Variants in OXR1 observed in about 807,000 individuals in gnomAD.
OXR1 encodes the protein oxidation resistance 1, also known as oxidation resistance protein 1.
A neutral mutation model predicts 104.6 loss-of-function variants in OXR1; 41 were observed. That is an observed-to-expected ratio of 0.39 (90% CI 0.31 to 0.51). The LOEUF is 0.51. Among genes scored for constraint, OXR1 ranks in the 20% least tolerant of loss-of-function variants. The pLI is 0.77. For synonymous variants in OXR1, 348 were observed against 348.4 expected, an observed-to-expected ratio of 1.00 and a Z score of 0.01; for missense variants, 955 against 1,031.9, an observed-to-expected ratio of 0.93 and a Z score of 1.02.
intron 2 of OXR1, among the ~76,000 whole-genome samples, chr8:106,392,234 A>G (rs984143324): frequency 2.0e-5 from 3 of 152,176 alleles, no homozygotes; most frequent in Admixed American, 2.0e-4. Context: ...TCCTCACCCC[A>G]CATATGTGTT....
intron 3 of OXR1, among the ~76,000 whole-genome samples, chr8:106,609,197 C>T (rs757230485): frequency 7.4e-4 from 112 of 151,736 alleles, no homozygotes; most frequent in Non-Finnish European, 1.0e-3. Context: ...TCGCTTGAGC[C>T]CAGGAGTTTA....
chr8:106,664,163 C>T (rs547209307), intron 3 of OXR1, among the ~76,000 whole-genome samples: 4 of 152,156 alleles, frequency 2.6e-5, no homozygotes, highest in Non-Finnish European at 4.4e-5. Flanking sequence ...GGTTGATTTG[C>T]CTGTTTTAGA....
intron 3 of OXR1, among the ~76,000 whole-genome samples, chr8:106,647,361 TG>T (rs1429201295): frequency 1.3e-5 from 2 of 152,212 alleles, no homozygotes; most frequent in Admixed American, 1.3e-4. Context: ...TTCAATGCTG[TG>T]ATCATGATTA....
chr8:106,733,894 C>CT (rs1357017978), intron 11 of OXR1, among the ~76,000 whole-genome samples: 3 of 151,078 alleles, frequency 2.0e-5, no homozygotes, highest in African/African-American at 7.3e-5. Context: ...TCTTCCTTCC[C>CT]TTTTTTTTCC....
At chr8:106,664,832 TTAGTA>T (rs1258631868) in intron 3 of OXR1, among the ~76,000 whole-genome samples, 14 of 152,330 alleles carry the variant, frequency 9.2e-5, no homozygotes, top group African/African-American at 3.1e-4. Context: ...TAAATGCAGT[TTAGTA>T]TAGTAAGTCC....
chr8:106,385,562 C>T (rs187677256), intron 2 of OXR1, among the ~76,000 whole-genome samples: 1 of 152,248 alleles, frequency 6.6e-6, no homozygotes, highest in African/African-American at 2.4e-5. Flanking sequence ...ACCCCACCAA[C>T]CTGGGGAGTT....
chr8:106,323,431 C>G (rs1466708213), intron 1 of OXR1, among the ~76,000 whole-genome samples: 1 of 152,088 alleles, frequency 6.6e-6, no homozygotes, highest in East Asian at 1.9e-4. Flanking sequence ...CTAGGCAATA[C>G]CTCGTGCACA....
chr8:106,633,193 C>T (rs1349208696), intron 3 of OXR1, among the ~76,000 whole-genome samples: 1 of 152,032 alleles, frequency 6.6e-6, no homozygotes, highest in Non-Finnish European at 1.5e-5. Flanking sequence ...GATTGCGCCA[C>T]TGCACTCCAG....
intron 2 of OXR1, among the ~76,000 whole-genome samples, chr8:106,393,480 C>A (rs1817660761): frequency 6.6e-6 from 1 of 152,066 alleles, no homozygotes; most frequent in Non-Finnish European, 1.5e-5. Flanking sequence ...CTATTTTTAA[C>A]AGTCTATGTT....
chr8:106,713,683 GA>G (rs1756786041), intron 10 of OXR1, 139 bp from the exon 11 acceptor site: 1 of 483,648 alleles, frequency 2.1e-6, no homozygotes, highest in Non-Finnish European at 3.5e-6. Context: ...CCTGATAGTA[GA>G]CCTTTTATAT....
intron 3 of OXR1, among the ~76,000 whole-genome samples, chr8:106,616,026 C>A (rs1260420814): frequency 7.4e-6 from 1 of 134,614 alleles, no homozygotes; most frequent in Non-Finnish European, 1.5e-5. Flanking sequence ...CAATGAAACA[C>A]CTTCTTTTTT....
chr8:106,730,573 A>G (rs1833794460), intron 11 of OXR1, among the ~76,000 whole-genome samples: 1 of 151,948 alleles, frequency 6.6e-6, no homozygotes, highest in Non-Finnish European at 1.5e-5. Context: ...ATTTCTTTTT[A>G]TTGCTGAATA....
chr8:106,303,379 G>T (rs1231424623), intron 1 of OXR1, among the ~76,000 whole-genome samples: 2 of 146,926 alleles, frequency 1.4e-5, no homozygotes, highest in Non-Finnish European at 1.5e-5. Context: ...TCAGCCTCCC[G>T]AGTAGCCCGC....
intron 2 of OXR1, among the ~76,000 whole-genome samples, chr8:106,513,431 A>G (rs1271751956): frequency 6.6e-6 from 1 of 150,616 alleles, no homozygotes; most frequent in Non-Finnish European, 1.5e-5. Flanking sequence ...ACACACACAC[A>G]CTCAGGTGAT....
intron 11 of OXR1, among the ~76,000 whole-genome samples, chr8:106,715,717 A>C (rs1184017877): frequency 6.6e-6 from 1 of 152,066 alleles, no homozygotes; most frequent in Non-Finnish European, 1.5e-5. Flanking sequence ...GGGAATTGAG[A>C]GCTTTCTCTC....
At chr8:106,301,130 A>T (rs564288597) in intron 1 of OXR1, among the ~76,000 whole-genome samples, 1 of 152,334 alleles carries the variant, frequency 6.6e-6, no homozygotes, top group African/African-American at 2.4e-5. Flanking sequence ...TGGGGGGCAT[A>T]ACTGTAAAAT....
intron 2 of OXR1, among the ~76,000 whole-genome samples, chr8:106,443,929 T>C (rs573196068): frequency 4.7e-4 from 72 of 152,284 alleles, no homozygotes; most frequent in African/African-American, 1.7e-3. Context: ...GGAGAAAATT[T>C]TTGAAATCTA....
At chr8:106,736,746 A>G (rs1343014429) in intron 11 of OXR1, among the ~76,000 whole-genome samples, 7 of 152,184 alleles carry the variant, frequency 4.6e-5, no homozygotes, top group African/African-American at 1.7e-4. Flanking sequence ...CTAGGCAATT[A>G]TAGAAGATAG....
chr8:106,350,128 A>G (rs1213694447), intron 1 of OXR1, among the ~76,000 whole-genome samples: 1 of 152,190 alleles, frequency 6.6e-6, no homozygotes, highest in Non-Finnish European at 1.5e-5. Flanking sequence ...AACCAGTAAG[A>G]GGCAGACATG....
Sources: allele counts gnomAD v4.1 joint callset (sites outside exome capture counted in the v4.1 genomes callset), GRCh38; gene constraint gnomAD v4.1.1; transcripts MANE v1.5; gene names NCBI Gene and HGNC (gene_info 2026-07-23, HGNC 2026-07-21).